PTGS1: variants seen among roughly 807,000 people sequenced by gnomAD.
The protein encoded by PTGS1 is prostaglandin-endoperoxide synthase 1.
Under a neutral mutation model 63.0 loss-of-function variants are expected in PTGS1, and 40 were observed. That is an observed-to-expected ratio of 0.63 (90% CI 0.49 to 0.83). PTGS1 has a LOEUF of 0.83. PTGS1 is among the 40% of genes least tolerant of loss of function. The probability of loss-of-function intolerance (pLI) is 0.00; values close to 1 mark genes in which losing one functional copy is unlikely to be tolerated. For synonymous variants in PTGS1, 298 were observed against 301.9 expected, an observed-to-expected ratio of 0.99 and a Z score of 0.13; for missense variants, 709 against 786.5, an observed-to-expected ratio of 0.90 and a Z score of 1.18.
At chr9:122,389,012 C>T (rs1252613495) in intron 9 of PTGS1, among the ~76,000 whole-genome samples, 2 of 152,140 alleles carry the variant, frequency 1.3e-5, no homozygotes, top group African/African-American at 4.8e-5. Flanking sequence ...GCACCATCCT[C>T]TGCTTGCTTT....
At chr9:122,391,326 ATATG>A (rs1335720392) in intron 10 of PTGS1, among the ~76,000 whole-genome samples, 1 of 123,956 alleles carries the variant, frequency 8.1e-6, no homozygotes, top group Non-Finnish European at 1.5e-5. Flanking sequence ...ACACACATAT[ATATG>A]TGTGTGTATA....
rs546180274 is a variant in PTGS1 at position 122,376,287 on chromosome 9, T to C, written c.95-1612T>C. Among the ~76,000 whole-genome samples the C allele has an allele frequency of 4.2e-4, 64 of 151,442 alleles. 2 individuals carry two copies. In the South Asian group the frequency reaches 9.3e-3, roughly 22 times the overall value. On this transcript the variant is annotated intron_variant, in intron 2 of 10. Transcript: ENST00000362012. ...ACCCCTGCTGGGGCCATTGTGGGGCTGTGGGGAGTTGCCAGGGCTTAAGCA... is the reference window on the plus strand; with the variant it reads ...ACCCCTGCTGGGGCCATTGTGGGGCCGTGGGGAGTTGCCAGGGCTTAAGCA...
At chr9:122,386,860 C>A (rs1406292816) in intron 9 of PTGS1, 128 bp downstream of exon 9, 1 of 1,096,688 alleles carries the variant, frequency 9.1e-7, no homozygotes, top group Non-Finnish European at 1.3e-6. Context: ...TGTAAGCATT[C>A]CTGTGTGAGT....
At position 122,371,045 on chromosome 9, in the gene PTGS1, G is replaced by T; in HGVS notation, c.-40G>T. 6.3e-7 allele frequency: 1 copy of T among 1,576,520 alleles called. No homozygotes were observed. The highest frequency in any genetic ancestry group is 1.1e-5 in the South Asian group (1 of 88,488). On this transcript the variant is annotated 5_prime_UTR_variant, in exon 1 of 11. In the 5' UTR this introduces an upstream ATG that the reference lacks. Coordinates refer to ENST00000362012, the MANE Select transcript of PTGS1 (RefSeq NM_000962.4). ...GGGCAGTGTGCGAGGCGCACGCACA[G>T]GAGCCTGCACTCTGCGTCCCGCACC...
At position 122,378,812 on chromosome 9, in the gene PTGS1, C is replaced by T. The variant is rs1258506719; in HGVS notation, c.390C>T (p.Asn130=). Residue 130 remains asparagine, a synonymous_variant, in exon 5 of 11, where the codon AAC becomes AAT. Transcript: ENST00000362012. ...SNLIPSPPTY[N]SAHDYISWES... ...TTATCCCCAGTCCCCCCACCTACAA[C>T]TCAGCACATGACTACATCAGCTGGG... 6.2e-7 allele frequency: 1 copy of T among 1,614,260 alleles called. No homozygotes were observed. Among genetic ancestry groups the T allele is most frequent in the East Asian group, 2.2e-5 (1 of 44,886 alleles).
Position 122,378,585 on chromosome 9 carries a change from G to A in PTGS1, c.352+12G>A. 1 of 1,614,160 alleles carries A rather than the reference G, an allele frequency of 6.2e-7. No individual in the cohort carries two copies. The highest frequency in any genetic ancestry group is 8.5e-7 in the Non-Finnish European group (1 of 1,180,008). ...CCTGGTACTCACAGGTGGGTGTGGGGCAGGGCCCCCTGACCTGGGGGAGCA... is the reference window on the plus strand; with the variant it reads ...CCTGGTACTCACAGGTGGGTGTGGGACAGGGCCCCCTGACCTGGGGGAGCA... On this transcript the variant is annotated intron_variant, in intron 4 of 10. Transcript: ENST00000362012.
At chr9:122,377,088 C>T (rs962306642) in intron 2 of PTGS1, among the ~76,000 whole-genome samples, 3 of 152,178 alleles carry the variant, frequency 2.0e-5, no homozygotes, top group African/African-American at 7.2e-5. Flanking sequence ...CAGACCCCAC[C>T]CTGATGTGGG....
chr9:122,373,662 CA>C (rs1836937487), intron 2 of PTGS1, among the ~76,000 whole-genome samples: 1 of 152,242 alleles, frequency 6.6e-6, no homozygotes. Flanking sequence ...GCACATGGGG[CA>C]AGATGCCAGC....
chr9:122,390,668 C>G (rs780550745), intron 10 of PTGS1, among the ~76,000 whole-genome samples: 1 of 152,064 alleles, frequency 6.6e-6, no homozygotes, highest in African/African-American at 2.4e-5. Flanking sequence ...GAGGCTCAGG[C>G]GGGTGGATCA....
At chr9:122,386,815 G>A in intron 9 of PTGS1, 83 bp downstream of exon 9, 1 of 1,505,634 alleles carries the variant, frequency 6.6e-7, no homozygotes, top group South Asian at 1.3e-5. Flanking sequence ...TTCTTCTTCT[G>A]TAAAATGGGG....
rs758869011 is a variant in PTGS1, at chr9:122,383,801, T to A, written c.1009+46T>A. 4 of 1,581,572 alleles carry A rather than the reference T, an allele frequency of 2.5e-6. No homozygotes were observed. In the African/African-American group the frequency reaches 5.4e-5, roughly 21 times the overall value. ...CTGCCCTGGAAGGTCATTCCCTCCA[T>A]CCTGAGAAGTTGGGGGCGGGGGGGT... is the stretch of plus-strand genomic sequence containing the variant. On this transcript the variant is annotated intron_variant, in intron 8 of 10. Transcript: ENST00000362012.
rs771040023 is a variant in PTGS1, at chr9:122,378,864, A to T, written c.442A>T (p.Thr148Ser). 1 of 1,614,098 alleles carries T rather than the reference A, an allele frequency of 6.2e-7. No individual in the cohort carries two copies. Among genetic ancestry groups the T allele is most frequent in the Non-Finnish European group, 8.5e-7 (1 of 1,180,006 alleles). ...WESFSNVSYY[T>S]RILPSVPKDC... ...GTCTTTCTCCAACGTGAGCTATTAC[A>T]CTCGTATTCTGCCCTCTGTGCCTAA... Residue 148 changes from threonine (T) to serine (S), a missense_variant, in exon 5 of 11, where the codon ACT (threonine) becomes TCT (serine). Physicochemically the swap from Thr to Ser is moderately conservative, Grantham distance 58 (BLOSUM62 1). Transcript: ENST00000362012.
rs2119157437 is a variant in PTGS1 at position 122,383,517 on chromosome 9, T to C, written c.771T>C (p.Asp257=). The stretch of plus-strand genomic sequence containing the variant: ...GTGGCCCCATCCCACAGGTGCTGGA[T>C]GGAGAAATGTACCCGCCCTCGGTAG... ...KDGKLKYQVL[D]GEMYPPSVEE... The change falls in exon 8 of 11, where the codon GAT becomes GAC. Residue 257 remains aspartate (D), a synonymous_variant. Coordinates refer to ENST00000362012, the MANE Select transcript of PTGS1 (RefSeq NM_000962.4). The C allele has an allele frequency of 6.2e-7, 1 of 1,606,576 alleles. No individual in the cohort carries two copies. Among genetic ancestry groups the C allele is most frequent in the Middle Eastern group, 1.7e-4 (1 of 6,036 alleles).
At position 122,392,308 on chromosome 9, in the gene PTGS1, A is replaced by G; in HGVS notation, c.1564A>G (p.Ile522Val). The change falls in exon 11 of 11, where the codon ATA (isoleucine) becomes GTA (valine). Residue 522 changes from isoleucine to valine, a missense_variant. Physicochemically the swap from Ile to Val is conservative, Grantham distance 29 (BLOSUM62 3). Transcript: ENST00000362012. ...AAACTCTATCTTTGGGGAGAGTATG[A>G]TAGAGATTGGGGCTCCCTTTTCCCT... The part of the protein sequence containing the change: ...HPNSIFGESM[I>V]EIGAPFSLKG... The G allele has an allele frequency of 1.2e-6, 2 of 1,614,124 alleles. No homozygotes were observed. Among genetic ancestry groups the G allele is most frequent in the Non-Finnish European group, 1.7e-6 (2 of 1,180,010 alleles).
intron 9 of PTGS1, among the ~76,000 whole-genome samples, chr9:122,389,725 T>TG (rs1159177790): frequency 6.6e-6 from 1 of 151,836 alleles, no homozygotes. Flanking sequence ...GAGGCTGTGG[T>TG]GGGAGGATCA....
intron 9 of PTGS1, among the ~76,000 whole-genome samples, chr9:122,387,577 G>C (rs1350846410): frequency 6.6e-6 from 1 of 152,130 alleles, no homozygotes; most frequent in Admixed American, 6.5e-5. Context: ...CACACACAGA[G>C]GGAAGGCCAC....
At chr9:122,381,192 A>G (rs1372222831) in intron 5 of PTGS1, among the ~76,000 whole-genome samples, 179 bp from the exon 6 acceptor site, 1 of 152,202 alleles carries the variant, frequency 6.6e-6, no homozygotes, top group Non-Finnish European at 1.5e-5. Context: ...CACTTCACCC[A>G]TAAATACTTC....
intron 10 of PTGS1, among the ~76,000 whole-genome samples, chr9:122,391,155 C>T (rs942246422): frequency 6.6e-6 from 1 of 151,026 alleles, no homozygotes; most frequent in African/African-American, 2.4e-5. Flanking sequence ...TCAGATGCCT[C>T]TCCTACGGAT....
intron 5 of PTGS1, among the ~76,000 whole-genome samples, chr9:122,381,027 G>A (rs1029570003): frequency 1.3e-5 from 2 of 152,172 alleles, no homozygotes; most frequent in Non-Finnish European, 2.9e-5. Flanking sequence ...CACAAAAGTT[G>A]AGAGAAAAGC....
Sources: gnomAD v4.1 joint callset for allele counts (sites outside exome capture counted in the v4.1 genomes callset) on GRCh38, gnomAD v4.1.1 for gene constraint, MANE v1.5 for transcripts, NCBI Gene and HGNC (gene_info 2026-07-23, HGNC 2026-07-21) for gene names.